Variants in KCNK5 observed in about 807,000 individuals in gnomAD.
KCNK5 encodes the protein potassium two pore domain channel subfamily K member 5, also known as potassium channel subfamily K member 5.
A neutral mutation model predicts 32.9 loss-of-function variants in KCNK5; 18 were observed. That is an observed-to-expected ratio of 0.55 (90% CI 0.38 to 0.81). KCNK5 has a LOEUF of 0.81. KCNK5 is among the 30% of genes least tolerant of loss of function. KCNK5 has a pLI of 0.00. For synonymous variants in KCNK5, 276 were observed against 275.3 expected, an observed-to-expected ratio of 1.00 and a Z score of -0.03; for missense variants, 507 against 651.0, an observed-to-expected ratio of 0.78 and a Z score of 2.41.
chr6:39,215,932 T>A (rs1181812578), intron 1 of KCNK5, among the ~76,000 whole-genome samples: 1 of 152,102 alleles, frequency 6.6e-6, no homozygotes, highest in Non-Finnish European at 1.5e-5. Context: ...GGGGATTGAG[T>A]TAACAACCCC....
At position 39,191,411 on chromosome 6, in the gene KCNK5, G is replaced by T; in HGVS notation, c.979C>A (p.Leu327Met). 6.2e-7 allele frequency: 1 copy of T among 1,613,264 alleles called. No individual in the cohort carries two copies. The highest frequency in any genetic ancestry group is 1.7e-5 in the Admixed American group (1 of 60,018). ...GGGETGPGPGLGPQGGGLPAL... is the reference protein window; with the variant it reads ...GGGETGPGPGMGPQGGGLPAL... ...GGGAGCCCACCGCCTTGAGGCCCCA[G>T]CCCTGGGCCCGGGCCCGTCTCCCCA... Residue 327 changes from leucine to methionine, a missense_variant, in exon 5 of 5, where the codon CTG becomes ATG. Physicochemically the swap from Leu to Met is conservative, Grantham distance 15. Transcript: ENST00000359534. The surrounding 1 kb of genome is among the most constrained non-coding windows in gnomAD (Gnocchi z 5.8).
At chr6:39,218,687 G>T (rs1461718541) in intron 1 of KCNK5, among the ~76,000 whole-genome samples, 4 of 152,154 alleles carry the variant, frequency 2.6e-5, no homozygotes, top group African/African-American at 9.7e-5. Context: ...CCTCTTAGAG[G>T]ACTGGGTGGT....
rs934099574 is a variant in KCNK5 at position 39,222,011 on chromosome 6, G to A, written c.186+6915C>T. 3.3e-5 allele frequency among the ~76,000 whole-genome samples: 5 copies of A among 152,304 alleles called. No homozygotes were observed. In the South Asian group the frequency reaches 8.3e-4, roughly 25 times the overall value. ...AAAGGATAGCCAGTAGGGAGGGCCC[G>A]TTCTGTGTTTCCAACTCCACTGTAT... On this transcript the variant is annotated intron_variant, in intron 1 of 4. Coordinates refer to ENST00000359534, the MANE Select transcript of KCNK5 (RefSeq NM_003740.4).
intron 1 of KCNK5, among the ~76,000 whole-genome samples, chr6:39,223,115 C>T (rs77711630): frequency 6.6e-6 from 1 of 152,194 alleles, no homozygotes; most frequent in Non-Finnish European, 1.5e-5. Context: ...CAATTAGATT[C>T]CCACCACACC....
rs1770897283 is a variant in KCNK5 at position 39,190,280 on chromosome 6, G to C, written c.*610C>G. 1 of 152,446 alleles carries C rather than the reference G, an allele frequency of 6.6e-6. No individual in the cohort carries two copies. The highest frequency in any genetic ancestry group is 6.6e-5 in the Admixed American group (1 of 15,266). 9.4% of individuals were successfully genotyped at this position (152,446 alleles called of 1,614,324 possible). On this transcript the variant is annotated 3_prime_UTR_variant, in exon 5 of 5. Coordinates refer to ENST00000359534, the MANE Select transcript of KCNK5 (RefSeq NM_003740.4). ...ACTTGTTTCCAGGCCCTGTGAGTCA[G>C]GACTGTTTGAGACCCTGCCCTCATC...
Position 39,229,281 on chromosome 6 carries a change from A to G in KCNK5, c.-170T>C. 1.3e-6 allele frequency: 1 copy of G among 758,598 alleles called. No individual in the cohort carries two copies. The highest frequency in any genetic ancestry group is 1.9e-5 in the South Asian group (1 of 53,824). 47.0% of individuals were successfully genotyped at this position (758,598 alleles called of 1,614,324 possible). ...CTCCCCGGACAGAGTTGCTTGGCCA[A>G]GTTGGCCCACGGAGTGCGGGGAGCT... is the stretch of plus-strand genomic sequence containing the variant. On this transcript the variant is annotated 5_prime_UTR_variant, in exon 1 of 5. Transcript: ENST00000359534.
chr6:39,222,410 G>A lies in KCNK5; in HGVS notation c.186+6516C>T, dbSNP rs147891691. On this transcript the variant is annotated intron_variant, in intron 1 of 4. Coordinates refer to ENST00000359534, the MANE Select transcript of KCNK5 (RefSeq NM_003740.4). ...GAAGGGATCAGCCCACAGAAATGTC[G>A]TTATTTTAGAGTAGAATGTTCCACT... Among the ~76,000 whole-genome samples, 369 of 152,334 alleles carry A rather than the reference G, an allele frequency of 2.4e-3. 3 individuals carry two copies. Among genetic ancestry groups the A allele is most frequent in the African/African-American group, 7.8e-3 (325 of 41,568 alleles).
chr6:39,211,923 C>A (rs1771349982), intron 1 of KCNK5, among the ~76,000 whole-genome samples: 2 of 151,862 alleles, frequency 1.3e-5, no homozygotes, highest in East Asian at 3.9e-4. Context: ...GAGATCGTAC[C>A]ATTGCATTCC....
chr6:39,214,552 GGA>G (rs1002934367), intron 1 of KCNK5, among the ~76,000 whole-genome samples: 1 of 152,194 alleles, frequency 6.6e-6, no homozygotes, highest in Non-Finnish European at 1.5e-5. Flanking sequence ...ACAGGACAAA[GGA>G]GAGAGAGAAA....
chr6:39,228,205 C>T (rs1212308742), intron 1 of KCNK5, among the ~76,000 whole-genome samples: 1 of 152,192 alleles, frequency 6.6e-6, no homozygotes, highest in Non-Finnish European at 1.5e-5. Flanking sequence ...CACTCTCCTC[C>T]CCCATCATAA....
At chr6:39,211,342 C>T (rs900021672) in intron 1 of KCNK5, among the ~76,000 whole-genome samples, 13 of 152,212 alleles carry the variant, frequency 8.5e-5, no homozygotes, top group Admixed American at 4.6e-4. Context: ...TCTGAGTCCA[C>T]GAGGACTGAC....
intron 1 of KCNK5, among the ~76,000 whole-genome samples, chr6:39,224,890 T>G (rs920788201): frequency 6.6e-6 from 1 of 152,106 alleles, no homozygotes; most frequent in Admixed American, 6.6e-5. Context: ...CAGTTAGGTT[T>G]TTTTTTTTCT....
rs111535587 is a variant in KCNK5 at position 39,207,516 on chromosome 6, C to T, written c.187-11529G>A. On this transcript the variant is annotated intron_variant, in intron 1 of 4. Coordinates refer to ENST00000359534, the MANE Select transcript of KCNK5 (RefSeq NM_003740.4). ...GTGCGGGTTGATGACTGTTTCCAGGCCCCGGGGTCTCCTCCCTACCCTACC... is the reference window on the plus strand; with the variant it reads ...GTGCGGGTTGATGACTGTTTCCAGGTCCCGGGGTCTCCTCCCTACCCTACC... Among the ~76,000 whole-genome samples, 1,343 of 152,216 alleles carry T rather than the reference C, an allele frequency of 8.8e-3. 26 individuals carry two copies. Among genetic ancestry groups the T allele is most frequent in the African/African-American group, 0.03 (1,262 of 41,520 alleles).
intron 1 of KCNK5, among the ~76,000 whole-genome samples, chr6:39,196,778 G>T (rs1771038705): frequency 6.6e-6 from 1 of 152,226 alleles, no homozygotes; most frequent in Non-Finnish European, 1.5e-5. Context: ...ATTTCAGGGT[G>T]ACTCATAACT....
In KCNK5 at chr6:39,194,958, C is replaced by T. The variant is rs1433852358; in HGVS notation, c.299-198G>A. On this transcript the variant is annotated intron_variant, in intron 2 of 4. Transcript: ENST00000359534. This position sits in a 1 kb window ranked among gnomAD's most constrained non-coding sequence, Gnocchi z 4.7. ...ATTATGATGACATGAGCTGTATCTC[C>T]TCCATCATACAAGGAGCTCCCTGAA... Among the ~76,000 whole-genome samples the T allele has an allele frequency of 3.9e-5, 6 of 152,184 alleles. No homozygotes were observed. The highest frequency in any genetic ancestry group is 1.4e-4 in the African/African-American group (6 of 41,456).
intron 1 of KCNK5, among the ~76,000 whole-genome samples, chr6:39,202,811 T>C (rs749596259): frequency 7.2e-5 from 11 of 152,114 alleles, no homozygotes; most frequent in South Asian, 2.1e-4. Flanking sequence ...ATCTTCCAAA[T>C]GCAGACCTGT....
Position 39,190,982 on chromosome 6 carries a change from A to G in KCNK5, c.1408T>C (p.Ser470Pro). 1 of 1,557,996 alleles carries G rather than the reference A, an allele frequency of 6.4e-7. No homozygotes were observed. The highest frequency in any genetic ancestry group is 8.7e-7 in the Non-Finnish European group (1 of 1,153,882). Residue 470 changes from serine to proline, a missense_variant, in exon 5 of 5, where the codon TCC becomes CCC. Coordinates refer to ENST00000359534, the MANE Select transcript of KCNK5 (RefSeq NM_003740.4). ...TCAGACTCAGTGCTGGTGAAGGTGG[A>G]CTCGGAGGAGGAGGGGAACTCGCCC... is the stretch of plus-strand genomic sequence containing the variant. ...NMGEFPSSSE[S>P]TFTSTESELS...
In KCNK5 at chr6:39,189,661, C is replaced by T. The variant is rs1202584319; in HGVS notation, c.*1229G>A. ...CTAGTAGCAGCAAGTTCTGCCCACC[C>T]CTCACCAGAGAGTCCACCAACAGTT... On this transcript the variant is annotated 3_prime_UTR_variant, in exon 5 of 5. Transcript: ENST00000359534. 4 of 152,706 alleles carry T rather than the reference C, an allele frequency of 2.6e-5. No homozygotes were observed. Among genetic ancestry groups the T allele is most frequent in the African/African-American group, 9.6e-5 (4 of 41,460 alleles). 9.5% of individuals were successfully genotyped at this position (152,706 alleles called of 1,614,324 possible).
chr6:39,219,936 G>A (rs891457758), intron 1 of KCNK5, among the ~76,000 whole-genome samples: 6 of 152,198 alleles, frequency 3.9e-5, no homozygotes, highest in Non-Finnish European at 8.8e-5. Context: ...GTCCAGAGAG[G>A]GAAAATATGG....
Sources: gnomAD v4.1 joint callset for allele counts (sites outside exome capture counted in the v4.1 genomes callset) on GRCh38, gnomAD v4.1.1 for gene constraint, Gnocchi (gnomAD v3.1) non-coding constraint, MANE v1.5 for transcripts, NCBI Gene and HGNC (gene_info 2026-07-23, HGNC 2026-07-21) for gene names.